Variants in CDC42BPB observed in about 807,000 individuals in gnomAD.
The protein encoded by CDC42BPB is CDC42 binding protein kinase beta, also known as serine/threonine-protein kinase MRCK beta.
CDC42BPB carries 37 observed loss-of-function variants against 214.9 expected under a neutral mutation model. The observed-to-expected ratio is 0.17, with a 90% confidence interval of 0.13 to 0.23. The LOEUF (loss-of-function observed/expected upper bound fraction) is 0.23. Ranked by LOEUF, CDC42BPB falls within the 10% of genes least tolerant of loss-of-function variation. The probability of loss-of-function intolerance (pLI) is 1.00; values close to 1 mark genes in which losing one functional copy is unlikely to be tolerated. For synonymous variants in CDC42BPB, 931 were observed against 884.0 expected (o/e 1.05, Z -0.94); for missense variants, 1,694 against 2,227.0 (o/e 0.76, Z 4.82).
chr14:103,045,799 C>T (rs1464146611), intron 1 of CDC42BPB, among the ~76,000 whole-genome samples: 5 of 152,240 alleles, frequency 3.3e-5, no homozygotes, highest in Middle Eastern at 6.8e-3. Flanking sequence ...GAAACCACAG[C>T]GGCGCATAAT....
intron 1 of CDC42BPB, among the ~76,000 whole-genome samples, chr14:103,022,868 G>C (rs915672754): frequency 1.3e-4 from 19 of 151,700 alleles, no homozygotes; most frequent in Admixed American, 2.0e-4. Context: ...CAGTCAGTAG[G>C]GGGTGTTTCT....
intron 1 of CDC42BPB, among the ~76,000 whole-genome samples, chr14:103,021,261 C>T (rs1886755296): frequency 1.3e-5 from 2 of 152,240 alleles, no homozygotes; most frequent in East Asian, 1.9e-4. Flanking sequence ...GAGATCGAGA[C>T]CATCCTGGCT....
At chr14:103,037,773 G>C (rs533486178) in intron 1 of CDC42BPB, among the ~76,000 whole-genome samples, 5 of 152,242 alleles carry the variant, frequency 3.3e-5, no homozygotes, top group Admixed American at 6.5e-5. Context: ...GCTCACACCT[G>C]TAATCCCAGC....
At position 102,935,618 on chromosome 14, in the gene CDC42BPB, C is replaced by T. The variant is rs1467199973; in HGVS notation, c.5005-1775G>A. ...CAGTCTGGCCAACATGGTGAAACCCCGCCTCTACTAAAAATACAAAAATCA... is the reference window on the plus strand; with the variant it reads ...CAGTCTGGCCAACATGGTGAAACCCTGCCTCTACTAAAAATACAAAAATCA... On this transcript the variant is annotated intron_variant, in intron 36 of 36. Transcript: ENST00000361246. Among the ~76,000 whole-genome samples the T allele has an allele frequency of 6.6e-5, 10 of 151,968 alleles. No homozygotes were observed. In the South Asian group the frequency reaches 1.2e-3, roughly 19 times the overall value.
rs35449562 is a variant in CDC42BPB, at chr14:103,011,949, TAGAA to T, written c.267+144_267+147del. 1.4e-3 allele frequency: 928 copies of T among 663,760 alleles called. 9 individuals are homozygous for T. The African/African-American group carries it at 0.015, about 11-fold the overall frequency. 41.1% of individuals were successfully genotyped at this position (663,760 alleles called of 1,614,324 possible). ...TGGGCAACATGGTGAGACCTCATCT[TAGAA>T]AGAGAGAGAGGAAAAAACAAACTCT... On this transcript the variant is annotated intron_variant, in intron 2 of 36. Transcript: ENST00000361246.
intron 1 of CDC42BPB, among the ~76,000 whole-genome samples, chr14:103,027,498 C>T (rs1030832686): frequency 1.3e-5 from 2 of 152,164 alleles, no homozygotes; most frequent in Admixed American, 6.5e-5. Context: ...GCTAAATAAA[C>T]AGAATGTGGT....
At chr14:102,952,393 A>G (rs1892529123) in intron 24 of CDC42BPB, 105 bp downstream of exon 24, 2 of 666,960 alleles carry the variant, frequency 3.0e-6, no homozygotes, top group East Asian at 2.7e-5. Flanking sequence ...ATTTCACTTT[A>G]GTTTGGTTTG....
intron 5 of CDC42BPB, among the ~76,000 whole-genome samples, chr14:102,994,255 C>T (rs184990317): frequency 2.6e-5 from 4 of 152,274 alleles, no homozygotes; most frequent in South Asian, 2.1e-4. Context: ...GAAGACAGGC[C>T]GAGGAGGGGT....
chr14:103,024,182 C>T (rs1886924216), intron 1 of CDC42BPB, among the ~76,000 whole-genome samples: 1 of 152,228 alleles, frequency 6.6e-6, no homozygotes, highest in South Asian at 2.1e-4. Flanking sequence ...AGAGAACCGT[C>T]TACGCATCTT....
chr14:102,947,889 A>G (rs965394669), intron 26 of CDC42BPB, 87 bp from the exon 27 acceptor site: 40 of 1,597,976 alleles, frequency 2.5e-5, no homozygotes, highest in Admixed American at 8.4e-5. Flanking sequence ...CTGCCCTGCC[A>G]TGTCCTTCCA....
chr14:102,988,252 G>C (rs997970814), intron 5 of CDC42BPB, among the ~76,000 whole-genome samples: 8 of 151,600 alleles, frequency 5.3e-5, no homozygotes, highest in African/African-American at 1.7e-4. Context: ...GTGGGAGACA[G>C]GCAAAGAAGG....
At chr14:103,011,161 A>C (rs901574160) in intron 2 of CDC42BPB, among the ~76,000 whole-genome samples, 24 of 152,152 alleles carry the variant, frequency 1.6e-4, no homozygotes, top group Non-Finnish European at 3.4e-4. Context: ...AGGCCGAGGC[A>C]GGTCTGTGGA....
chr14:102,975,021 G>C (rs570092934), intron 11 of CDC42BPB, among the ~76,000 whole-genome samples: 67 of 152,358 alleles, frequency 4.4e-4, no homozygotes, highest in African/African-American at 1.5e-3. Flanking sequence ...ACCGCCAAAA[G>C]AAAGTGGTGA....
chr14:102,945,786 G>T, intron 28 of CDC42BPB, 62 bp from the exon 29 acceptor site: 2 of 1,431,500 alleles, frequency 1.4e-6, no homozygotes, highest in Non-Finnish European at 2.0e-6. Context: ...ATATGGGTTT[G>T]AATGCGTGGG....
chr14:102,983,474 G>A lies in CDC42BPB; in HGVS notation c.891+82C>T, dbSNP rs540589820. On this transcript the variant is annotated intron_variant, in intron 7 of 36. Coordinates refer to ENST00000361246, the MANE Select transcript of CDC42BPB (RefSeq NM_006035.4). The stretch of plus-strand genomic sequence containing the variant: ...TCAACTACTCGCGTTGCTTCCTAAC[G>A]GATCTTCCTGCACTAGTTGTGCTCT... 5 of 1,569,054 alleles carry A rather than the reference G, an allele frequency of 3.2e-6. 1 individual carries two copies. The highest frequency in any genetic ancestry group is 4.5e-5 in the East Asian group (2 of 44,562).
At chr14:102,958,821 T>C (rs1892825663) in intron 21 of CDC42BPB, among the ~76,000 whole-genome samples, 1 of 151,870 alleles carries the variant, frequency 6.6e-6, no homozygotes, top group South Asian at 2.1e-4. Flanking sequence ...AACTAAAGTA[T>C]TTTTATTCGC....
At chr14:103,047,279 C>CTCAAA (rs1566926227) in intron 1 of CDC42BPB, among the ~76,000 whole-genome samples, 2 of 93,500 alleles carry the variant, frequency 2.1e-5, no homozygotes, top group African/African-American at 3.8e-5. Flanking sequence ...GTAATACTCT[C>CTCAAA]AAAAAAAAAA....
At chr14:102,945,844 G>A (rs1892139442) in intron 28 of CDC42BPB, 120 bp from the exon 29 acceptor site, 4 of 798,350 alleles carry the variant, frequency 5.0e-6, no homozygotes, top group Admixed American at 2.0e-5. Flanking sequence ...TGAGAATACA[G>A]CATTCCAGGG....
At chr14:102,989,554 C>T (rs896395298) in intron 5 of CDC42BPB, among the ~76,000 whole-genome samples, 3 of 152,166 alleles carry the variant, frequency 2.0e-5, no homozygotes, top group African/African-American at 2.4e-5. Context: ...TATGGTAGTT[C>T]GCAGTATTAT....
Sources: gnomAD v4.1 joint callset for allele counts (sites outside exome capture counted in the v4.1 genomes callset) on GRCh38, gnomAD v4.1.1 for gene constraint, MANE v1.5 for transcripts, NCBI Gene and HGNC (gene_info 2026-07-23, HGNC 2026-07-21) for gene names.